The following MYRIP variants were observed in gnomAD, a reference collection of about 807,000 sequenced individuals.
MYRIP encodes the protein rab effector MyRIP.
MYRIP carries 49 observed loss-of-function variants against 98.0 expected under a neutral mutation model. The observed-to-expected ratio is 0.50, with a 90% CI of 0.40 to 0.63. The LOEUF (loss-of-function observed/expected upper bound fraction) is 0.63. Among genes scored for constraint, MYRIP ranks in the 30% least tolerant of loss-of-function variants. MYRIP has a pLI of 0.00. For synonymous variants in MYRIP, 404 were observed against 409.5 expected, an observed-to-expected ratio of 0.99 and a Z score of 0.16; for missense variants, 1,004 against 1,058.2, an observed-to-expected ratio of 0.95 and a Z score of 0.71.
intron 2 of MYRIP, among the ~76,000 whole-genome samples, chr3:39,904,708 A>G (rs1442396977): frequency 6.6e-6 from 1 of 152,154 alleles, no homozygotes; most frequent in Non-Finnish European, 1.5e-5. Context: ...ACTGTCTGCT[A>G]CAGCTCACAG....
chr3:39,878,934 C>T (rs940348506), intron 1 of MYRIP, among the ~76,000 whole-genome samples: 14 of 151,174 alleles, frequency 9.3e-5, no homozygotes, highest in East Asian at 1.9e-4. Context: ...GGCATGGTGG[C>T]GCACGCCTGT....
At chr3:40,207,569 G>A (rs1443940639) in intron 10 of MYRIP, among the ~76,000 whole-genome samples, 1 of 152,024 alleles carries the variant, frequency 6.6e-6, no homozygotes, top group East Asian at 1.9e-4. Context: ...TCTCCCTTTA[G>A]AATTTATCCA....
In MYRIP at chr3:40,259,838, A is replaced by G. The variant is rs993652185; in HGVS notation, c.*1672A>G. The G allele has an allele frequency of 6.5e-6, 1 of 152,676 alleles. No individual in the cohort carries two copies. Among genetic ancestry groups the G allele is most frequent in the Non-Finnish European group, 1.5e-5 (1 of 68,052 alleles). The allele number at this position is 152,676 out of a possible 1,614,324, so 9.5% of individuals were successfully genotyped here. ...CAAAAACAAATTTTAAGAACACAAC[A>G]AAAAAGATTTGACTTCCGAATAGAA... On this transcript the variant is annotated 3_prime_UTR_variant, in exon 17 of 17. Coordinates refer to ENST00000302541, the MANE Select transcript of MYRIP (RefSeq NM_015460.4).
At chr3:39,926,918 C>T (rs768286693) in intron 2 of MYRIP, among the ~76,000 whole-genome samples, 14 of 152,148 alleles carry the variant, frequency 9.2e-5, no homozygotes, top group Non-Finnish European at 1.9e-4. Context: ...TTGCTTTGAA[C>T]AGTATGGCCA....
intron 4 of MYRIP, among the ~76,000 whole-genome samples, chr3:40,160,523 C>T (rs1222902677): frequency 2.6e-5 from 4 of 152,220 alleles, no homozygotes; most frequent in African/African-American, 9.7e-5. Context: ...GGGCTCCACC[C>T]AGTTCGAGTT....
intron 2 of MYRIP, among the ~76,000 whole-genome samples, chr3:39,911,222 T>G (rs1346066848): frequency 6.6e-6 from 1 of 152,234 alleles, no homozygotes; most frequent in Admixed American, 6.5e-5. Flanking sequence ...TTATCAGACA[T>G]TCACCTGTGG....
At chr3:39,984,434 T>A (rs1187489003) in intron 2 of MYRIP, among the ~76,000 whole-genome samples, 5 of 152,022 alleles carry the variant, frequency 3.3e-5, no homozygotes, top group African/African-American at 1.2e-4. Flanking sequence ...TGTCCATGTG[T>A]TCTCATTGTT....
intron 8 of MYRIP, among the ~76,000 whole-genome samples, chr3:40,179,324 C>A (rs1221162287): frequency 6.6e-6 from 1 of 152,160 alleles, no homozygotes; most frequent in Non-Finnish European, 1.5e-5. Context: ...TAGTGTGGAA[C>A]ACTGATTTGC....
chr3:40,215,701 A>C (rs1278371732), intron 11 of MYRIP, among the ~76,000 whole-genome samples: 1 of 152,238 alleles, frequency 6.6e-6, no homozygotes, highest in East Asian at 1.9e-4. Flanking sequence ...GTGAGGCTAC[A>C]GCACCCTACA....
At chr3:39,883,474 T>G (rs1943208111) in intron 1 of MYRIP, among the ~76,000 whole-genome samples, 1 of 152,048 alleles carries the variant, frequency 6.6e-6, no homozygotes, top group Non-Finnish European at 1.5e-5. Context: ...CCCCAGATAC[T>G]GAGTTATCAG....
rs1943725578 is a variant in MYRIP at position 39,900,937 on chromosome 3, T to C, written c.110+11T>C. ...AGAAGAACGACTAAGGTGAGATGCCTGTTTTGCTCAGCAGCGTACAGCAAA... is the reference window on the plus strand; with the variant it reads ...AGAAGAACGACTAAGGTGAGATGCCCGTTTTGCTCAGCAGCGTACAGCAAA... On this transcript the variant is annotated intron_variant, in intron 2 of 16. Coordinates refer to ENST00000302541, the MANE Select transcript of MYRIP (RefSeq NM_015460.4). 2 of 1,603,022 alleles carry C rather than the reference T, an allele frequency of 1.2e-6. No individual in the cohort carries two copies. Among genetic ancestry groups the C allele is most frequent in the Non-Finnish European group, 1.7e-6 (2 of 1,172,816 alleles).
intron 3 of MYRIP, among the ~76,000 whole-genome samples, chr3:40,128,874 A>G (rs1949577176): frequency 6.6e-6 from 1 of 152,120 alleles, no homozygotes. Context: ...TAGCTTCATC[A>G]TTCTCAATTT....
intron 2 of MYRIP, among the ~76,000 whole-genome samples, chr3:39,958,524 TAACTC>T (rs1945231865): frequency 1.3e-5 from 2 of 152,058 alleles, no homozygotes; most frequent in Admixed American, 6.6e-5. Context: ...ATACAAAAAT[TAACTC>T]AAGATGGATT....
chr3:39,921,881 CAAAAAA>C (rs34179419), intron 2 of MYRIP, among the ~76,000 whole-genome samples: 2 of 75,904 alleles, frequency 2.6e-5, no homozygotes, highest in Non-Finnish European at 5.1e-5. Context: ...GACTCCGTCT[CAAAAAA>C]AAAAAAAAAA....
rs552382242 is a variant in MYRIP, at chr3:40,042,143, A to G, written c.111-1907A>G. ...ATGCCTTCAAATTACACAGCTTTAC[A>G]GATCAACTTTGTGAAGATATATAAC... On this transcript the variant is annotated intron_variant, in intron 2 of 16. Transcript: ENST00000302541. Among the ~76,000 whole-genome samples the G allele has an allele frequency of 3.4e-5, 5 of 145,942 alleles. No homozygotes were observed. In the East Asian group the frequency reaches 7.9e-4, roughly 23 times the overall value.
intron 1 of MYRIP, among the ~76,000 whole-genome samples, chr3:39,875,069 G>T (rs1942943831): frequency 6.6e-6 from 1 of 152,110 alleles, no homozygotes; most frequent in Admixed American, 6.5e-5. Context: ...TTTAGTCTTG[G>T]GAGGGTGTAT....
intron 1 of MYRIP, among the ~76,000 whole-genome samples, chr3:39,857,937 C>G (rs900792829): frequency 3.9e-5 from 6 of 152,026 alleles, no homozygotes; most frequent in Non-Finnish European, 5.9e-5. Flanking sequence ...GACAAAAAGT[C>G]ATCAAATTGC....
Position 40,217,835 on chromosome 3 carries a change from T to C in MYRIP, c.1905+7742T>C, listed in dbSNP as rs1252762301. ...CTTCTACTACTTTCATGATTCAACA[T>C]TGGTCTGGCATTCTCTCCAGTGCAA... On this transcript the variant is annotated intron_variant, in intron 11 of 16. Coordinates refer to ENST00000302541, the MANE Select transcript of MYRIP (RefSeq NM_015460.4). Among the ~76,000 whole-genome samples the C allele has an allele frequency of 2.6e-5, 4 of 152,284 alleles. No homozygotes were observed. In the East Asian group the frequency reaches 7.7e-4, roughly 29 times the overall value.
chr3:39,989,409 C>T (rs542839806), intron 2 of MYRIP, among the ~76,000 whole-genome samples: 100 of 152,306 alleles, frequency 6.6e-4, no homozygotes, highest in South Asian at 5.0e-3. Context: ...CCTGCTCCTT[C>T]CTCTGGGATC....
Sources: allele counts gnomAD v4.1 joint callset (sites outside exome capture counted in the v4.1 genomes callset), GRCh38; gene constraint gnomAD v4.1.1; transcripts MANE v1.5; gene names NCBI Gene and HGNC (gene_info 2026-07-23, HGNC 2026-07-21).